STIMATE: variants seen among roughly 807,000 people sequenced by gnomAD.
STIMATE encodes the protein STIM activating enhancer.
Under a neutral mutation model 36.7 loss-of-function variants are expected in STIMATE, and 15 were observed. The observed-to-expected ratio is 0.41, with a 90% confidence interval of 0.27 to 0.63. STIMATE has a LOEUF of 0.63. Among genes scored for constraint, STIMATE ranks in the 20% least tolerant of loss-of-function variants. STIMATE has a pLI of 0.32. For synonymous variants in STIMATE, 163 were observed against 162.3 expected (o/e 1.00, Z -0.03); for missense variants, 305 against 397.3 (o/e 0.77, Z 1.98).
chr3:52,872,761 G>A (rs1299724433), intron 1 of STIMATE, among the ~76,000 whole-genome samples: 1 of 152,182 alleles, frequency 6.6e-6, no homozygotes, highest in Non-Finnish European at 1.5e-5. Flanking sequence ...GAGTAGCTGG[G>A]ATTACAGGCA....
At chr3:52,889,335 CGA>C (rs936968948) in intron 1 of STIMATE, among the ~76,000 whole-genome samples, 3 of 152,218 alleles carry the variant, frequency 2.0e-5, no homozygotes, top group Admixed American at 1.3e-4. Flanking sequence ...CCTAAGCTGG[CGA>C]TCTGTGCCCA....
In STIMATE at chr3:52,861,267, A is replaced by G. The variant is rs147022939; in HGVS notation, c.161-5823T>C. 7.1e-3 allele frequency among the ~76,000 whole-genome samples: 1,084 copies of G among 152,254 alleles called. 113 individuals carry two copies. The South Asian group carries it at 0.2, about 28-fold the overall frequency. On this transcript the variant is annotated intron_variant, in intron 1 of 7. Coordinates refer to ENST00000355083, the MANE Select transcript of STIMATE (RefSeq NM_198563.5). ...CTGAACAGAGAGAGGGGAGAAGGGG[A>G]AGGTGGAGACTGAGGCCTGCAGCAC...
At chr3:52,841,002 T>C (rs1700788607) in intron 7 of STIMATE, among the ~76,000 whole-genome samples, 1 of 152,124 alleles carries the variant, frequency 6.6e-6, no homozygotes, top group South Asian at 2.1e-4. Flanking sequence ...CACCATGCCT[T>C]GCCAAGTCTT....
intron 4 of STIMATE, among the ~76,000 whole-genome samples, chr3:52,848,712 A>G (rs1259379178): frequency 1.3e-5 from 2 of 152,142 alleles, no homozygotes. Flanking sequence ...TCTATAAATG[A>G]CGATGATGCT....
In STIMATE at chr3:52,886,172, C is replaced by G. The variant is rs181785549; in HGVS notation, c.160+11119G>C. ...CAGTGAGGCTCTCAGTCAAAAAAAC[C>G]AAGCAGGTCAGGGACAGTGGGGACC... On this transcript the variant is annotated intron_variant, in intron 1 of 7. Transcript: ENST00000355083. Among the ~76,000 whole-genome samples, 1,025 of 152,260 alleles carry G rather than the reference C, an allele frequency of 6.7e-3. 97 individuals are homozygous for G. The South Asian group carries it at 0.19, about 28-fold the overall frequency.
rs1701619184 is a variant in STIMATE, at chr3:52,882,331, C to T, written c.160+14960G>A. On this transcript the variant is annotated intron_variant, in intron 1 of 7. Coordinates refer to ENST00000355083, the MANE Select transcript of STIMATE (RefSeq NM_198563.5). ...TGATCTCGGAAGCCATGTGGCTTCA[C>T]TTCTAGCACATTCTACTGGTCTCGT... is the stretch of plus-strand genomic sequence containing the variant. 2.0e-5 allele frequency among the ~76,000 whole-genome samples: 3 copies of T among 152,232 alleles called. No homozygotes were observed. In the South Asian group the frequency reaches 6.2e-4, roughly 32 times the overall value.
chr3:52,878,716 A>G (rs1052456025), intron 1 of STIMATE, among the ~76,000 whole-genome samples: 6 of 152,204 alleles, frequency 3.9e-5, no homozygotes, highest in Non-Finnish European at 8.8e-5. Context: ...AAGGGCACAC[A>G]CCTACAACCA....
intron 1 of STIMATE, among the ~76,000 whole-genome samples, chr3:52,867,028 A>G (rs1022922781): frequency 1.3e-5 from 2 of 152,228 alleles, no homozygotes; most frequent in African/African-American, 4.8e-5. Context: ...TCCCGGCTGC[A>G]GCCCTGGCTA....
At chr3:52,866,215 G>A (rs954891085) in intron 1 of STIMATE, among the ~76,000 whole-genome samples, 4 of 152,206 alleles carry the variant, frequency 2.6e-5, no homozygotes, top group Non-Finnish European at 4.4e-5. Context: ...CTAATAGCAC[G>A]AGTACCCATT....
chr3:52,870,259 C>T (rs1278109121), intron 1 of STIMATE, among the ~76,000 whole-genome samples: 1 of 152,084 alleles, frequency 6.6e-6, no homozygotes, highest in Non-Finnish European at 1.5e-5. Context: ...CACCTGGCCT[C>T]TTTTTTTCTT....
chr3:52,847,343 C>A, intron 4 of STIMATE: 1 of 1,216,378 alleles, frequency 8.2e-7, no homozygotes, highest in Non-Finnish European at 1.0e-6. Flanking sequence ...TGGCGAGAGG[C>A]TTTCAAAAGG....
chr3:52,890,245 G>C (rs1053275138), intron 1 of STIMATE, among the ~76,000 whole-genome samples: 3 of 152,192 alleles, frequency 2.0e-5, no homozygotes, highest in African/African-American at 7.2e-5. Flanking sequence ...TCAGCTCTTC[G>C]TCAAGGAAAC....
chr3:52,881,676 C>T (rs2336665), intron 1 of STIMATE, among the ~76,000 whole-genome samples: 131,097 of 152,132 alleles, frequency 0.86, 56,614 homozygotes, highest in East Asian at 0.96. Flanking sequence ...CACTCCAGCC[C>T]GGGCGACAGA....
At chr3:52,861,535 T>C (rs1701215001) in intron 1 of STIMATE, among the ~76,000 whole-genome samples, 1 of 152,186 alleles carries the variant, frequency 6.6e-6, no homozygotes, top group Non-Finnish European at 1.5e-5. Context: ...GACTTTTGTA[T>C]ATCACAAAAA....
chr3:52,872,657 G>A (rs1701427171), intron 1 of STIMATE, among the ~76,000 whole-genome samples: 1 of 152,114 alleles, frequency 6.6e-6, no homozygotes, highest in African/African-American at 2.4e-5. Context: ...ACGGAGTCTC[G>A]CTCTGTCGCC....
At chr3:52,852,490 G>A (rs1279383559) in intron 3 of STIMATE, 113 bp downstream of exon 3, 2 of 1,331,852 alleles carry the variant, frequency 1.5e-6, no homozygotes, top group South Asian at 2.7e-5. Flanking sequence ...GAGGAAAAGG[G>A]GAGCACCCTC....
In STIMATE at chr3:52,893,869, C is replaced by T. The variant is rs1044900580; in HGVS notation, c.160+3422G>A. 3.9e-5 allele frequency among the ~76,000 whole-genome samples: 6 copies of T among 152,140 alleles called. No homozygotes were observed. In the East Asian group the frequency reaches 5.8e-4, roughly 15 times the overall value. On this transcript the variant is annotated intron_variant, in intron 1 of 7. Coordinates refer to ENST00000355083, the MANE Select transcript of STIMATE (RefSeq NM_198563.5). The stretch of plus-strand genomic sequence containing the variant: ...CCCTGACTGTGCACGGTGAGGGAGG[C>T]TTGAGTTTGCTTTGCATTCACATGT...
At chr3:52,884,246 GTTT>G (rs10716399) in intron 1 of STIMATE, among the ~76,000 whole-genome samples, 7 of 128,682 alleles carry the variant, frequency 5.4e-5, no homozygotes, top group East Asian at 2.3e-4. Context: ...CACCCAAAAA[GTTT>G]TTTTTTTTTT....
At chr3:52,896,640 A>G (rs1701869836) in intron 1 of STIMATE, among the ~76,000 whole-genome samples, 1 of 152,170 alleles carries the variant, frequency 6.6e-6, no homozygotes, top group South Asian at 2.1e-4. Flanking sequence ...TGGGACAGAG[A>G]TGGAACAGGT....
Sources: allele counts gnomAD v4.1 joint callset (sites outside exome capture counted in the v4.1 genomes callset), GRCh38; gene constraint gnomAD v4.1.1; transcripts MANE v1.5; gene names NCBI Gene and HGNC (gene_info 2026-07-23, HGNC 2026-07-21).